KATNB1: variants seen among roughly 807,000 people sequenced by gnomAD.
The protein encoded by KATNB1 is katanin regulatory subunit B1, also known as katanin p80 WD40 repeat-containing subunit B1.
Under a neutral mutation model 82.3 loss-of-function variants are expected in KATNB1, and 38 were observed. The observed-to-expected ratio is 0.46, with a 90% CI of 0.36 to 0.61. The LOEUF is 0.61. Ranked by LOEUF, KATNB1 falls within the 20% of genes least tolerant of loss-of-function variation. The pLI is 0.00. For synonymous variants in KATNB1, 361 were observed against 368.7 expected (o/e 0.98, Z 0.24); for missense variants, 749 against 915.7 (o/e 0.82, Z 2.35).
At chr16:57,747,428 C>G (rs2049191638) in intron 4 of KATNB1, among the ~76,000 whole-genome samples, 1 of 152,224 alleles carries the variant, frequency 6.6e-6, no homozygotes, top group Non-Finnish European at 1.5e-5. Context: ...TCCCTTTGCT[C>G]AGGAACAGTG....
chr16:57,738,962 T>G (rs2049123692), intron 2 of KATNB1, among the ~76,000 whole-genome samples: 2 of 141,524 alleles, frequency 1.4e-5, no homozygotes, highest in African/African-American at 2.7e-5. Context: ...AGCTGGGGGG[T>G]AGGGGTAGGG....
At chr16:57,756,788 C>T (rs1555586888) in intron 19 of KATNB1, 26 bp from the exon 20 acceptor site, 1 of 1,515,924 alleles carries the variant, frequency 6.6e-7, no homozygotes, top group Non-Finnish European at 8.9e-7. Flanking sequence ...TGCCAGCTAG[C>T]CCCTCAGGCA....
intron 1 of KATNB1, chr16:57,736,134 G>A (rs2049097747): frequency 6.6e-6 from 1 of 152,492 alleles, no homozygotes; most frequent in Non-Finnish European, 1.5e-5. Context: ...ATAGGGAGAA[G>A]AGAAGTAGGA....
In KATNB1 at chr16:57,744,425, G is replaced by A; in HGVS notation, c.203G>A (p.Ser68Asn). The A allele has an allele frequency of 2.5e-6, 4 of 1,613,846 alleles. No individual in the cohort carries two copies. The highest frequency in any genetic ancestry group is 3.4e-6 in the Non-Finnish European group (4 of 1,180,020). ...ACGGGCCACACATCCCCAGTGGAGA[G>A]CGTCCGCCTCAACACCCCCGAGGAG... is the stretch of plus-strand genomic sequence containing the variant. ...SLTGHTSPVE[S>N]VRLNTPEELI... Residue 68 changes from serine (S) to asparagine (N), a missense_variant, in exon 4 of 20, where the codon AGC becomes AAC. Physicochemically the swap from Ser to Asn is conservative, Grantham distance 46. Transcript: ENST00000379661.
chr16:57,756,679 C>G, intron 19 of KATNB1, 135 bp from the exon 20 acceptor site: 1 of 1,384,636 alleles, frequency 7.2e-7, no homozygotes, highest in Non-Finnish European at 9.6e-7. Context: ...CCTGGCAGGG[C>G]CTGGGTGGTT....
intron 8 of KATNB1, 186 bp downstream of exon 8, chr16:57,752,241 C>G: frequency 1.6e-6 from 1 of 642,400 alleles, no homozygotes; most frequent in South Asian, 1.8e-5. Context: ...GGCTCTGGTT[C>G]CCTGGCCCCA....
chr16:57,755,465 C>T lies in KATNB1; in HGVS notation c.1537C>T (p.Arg513Trp), dbSNP rs782213832. ...CCGCCACAAGAACCTGGACACTGTGCGGGCTGTGTGGACCATGGGCGACAT... is the reference window on the plus strand; with the variant it reads ...CCGCCACAAGAACCTGGACACTGTGTGGGCTGTGTGGACCATGGGCGACAT... ...TSRHKNLDTV[R>W]AVWTMGDIKT... Residue 513 changes from arginine (R) to tryptophan (W), a missense_variant, in exon 16 of 20, where the codon CGG becomes TGG. Coordinates refer to ENST00000379661, the MANE Select transcript of KATNB1 (RefSeq NM_005886.3). The T allele has an allele frequency of 1.1e-5, 18 of 1,613,202 alleles. No homozygotes were observed. The highest frequency in any genetic ancestry group is 4.5e-5 in the East Asian group (2 of 44,894).
At chr16:57,743,014 C>T (rs533909000) in intron 3 of KATNB1, among the ~76,000 whole-genome samples, 2 of 152,208 alleles carry the variant, frequency 1.3e-5, no homozygotes, top group African/African-American at 4.8e-5. Context: ...AGGAATAGGC[C>T]GGGCACAGTG....
At position 57,754,789 on chromosome 16, in the gene KATNB1, C is replaced by G. The variant is rs578179141; in HGVS notation, c.1229-141C>G. 3.1e-5 allele frequency: 26 copies of G among 852,072 alleles called. No homozygotes were observed. In the South Asian group the frequency reaches 3.7e-4, roughly 12 times the overall value. 52.8% of individuals were successfully genotyped at this position (852,072 alleles called of 1,614,324 possible). ...GCCTGCCCCAGGTCCTCTGGAACCC[C>G]CACGCCACTGGCCTGCAGCCTCCCC... On this transcript the variant is annotated intron_variant, in intron 13 of 19. Transcript: ENST00000379661.
chr16:57,735,842 A>T lies in KATNB1; in HGVS notation c.-280A>T, dbSNP rs1319541688. 2 of 152,508 alleles carry T rather than the reference A, an allele frequency of 1.3e-5. No individual in the cohort carries two copies. Among genetic ancestry groups the T allele is most frequent in the African/African-American group, 4.8e-5 (2 of 41,424 alleles). The allele number at this position is 152,508 out of a possible 1,614,324, so 9.4% of individuals were successfully genotyped here. ...CCTGGAGCGGAGCCTCGGCCTCCGG[A>T]GCCGCAGCTGCAGGTGGAGTGGGCA... On this transcript the variant is annotated 5_prime_UTR_variant, in exon 1 of 20. Coordinates refer to ENST00000379661, the MANE Select transcript of KATNB1 (RefSeq NM_005886.3).
chr16:57,737,156 G>C lies in KATNB1; in HGVS notation c.-88G>C. 6.6e-7 allele frequency: 1 copy of C among 1,515,022 alleles called. No individual in the cohort carries two copies. The highest frequency in any genetic ancestry group is 9.1e-7 in the Non-Finnish European group (1 of 1,099,004). 93.8% of individuals were successfully genotyped at this position (1,515,022 alleles called of 1,614,324 possible). A position where few individuals can be genotyped will look rare whatever the true frequency, so the allele number is the denominator to read the frequency against. On this transcript the variant is annotated 5_prime_UTR_variant, in exon 2 of 20. Transcript: ENST00000379661. ...TGGGAACTCTCTGCCAACTTGATTG[G>C]TGGATCTGGGGGGGGATCCACCCCC...
In KATNB1 at chr16:57,737,053, C is replaced by G; in HGVS notation, c.-191C>G. 1 of 712,818 alleles carries G rather than the reference C, an allele frequency of 1.4e-6. No individual in the cohort carries two copies. Among genetic ancestry groups the G allele is most frequent in the Non-Finnish European group, 2.5e-6 (1 of 394,576 alleles). The allele number at this position is 712,818 out of a possible 1,614,324, so 44.2% of individuals were successfully genotyped here. ...CGTGACAGATGTGCACAGGCTGCTG[C>G]TGTTGCTGCTGTGGGTAATTTGGAA... On this transcript the variant is annotated 5_prime_UTR_variant, in exon 2 of 20. Coordinates refer to ENST00000379661, the MANE Select transcript of KATNB1 (RefSeq NM_005886.3).
intron 4 of KATNB1, among the ~76,000 whole-genome samples, chr16:57,746,951 A>G (rs2049188056): frequency 6.6e-6 from 1 of 152,064 alleles, no homozygotes; most frequent in Admixed American, 6.6e-5. Flanking sequence ...GTGTAATCTC[A>G]GCTCACTGCA....
At chr16:57,739,212 C>T (rs1169856509) in intron 2 of KATNB1, among the ~76,000 whole-genome samples, 4 of 152,178 alleles carry the variant, frequency 2.6e-5, no homozygotes, top group African/African-American at 4.8e-5. Context: ...TGAGATCAGG[C>T]GTATTGGGCA....
rs782651726 is a variant in KATNB1, at chr16:57,751,750, A to G, written c.516+26A>G. The G allele has an allele frequency of 1.4e-5, 22 of 1,603,538 alleles. 1 individual carries two copies. The South Asian group carries it at 2.3e-4, about 17-fold the overall frequency. ...GTAGCTCCCGGCCTGACCTGGGCCC[A>G]GGGGCTGGGGGCTGGGGTCTGCTGA... On this transcript the variant is annotated intron_variant, in intron 7 of 19. Transcript: ENST00000379661. This position sits in a 1 kb window ranked among gnomAD's most constrained non-coding sequence, Gnocchi z 6.3.
intron 3 of KATNB1, among the ~76,000 whole-genome samples, chr16:57,742,273 G>T (rs558372794): frequency 3.9e-4 from 60 of 152,362 alleles, no homozygotes; most frequent in African/African-American, 1.4e-3. Flanking sequence ...GACCTGGCTG[G>T]AGCTGGTTAG....
chr16:57,737,338 G>C, intron 2 of KATNB1, 55 bp downstream of exon 2: 1 of 1,600,828 alleles, frequency 6.2e-7, no homozygotes, highest in Non-Finnish European at 8.5e-7. Context: ...GCGGCTTGTT[G>C]CTGGGAGGCC....
intron 1 of KATNB1, among the ~76,000 whole-genome samples, chr16:57,736,435 C>G (rs751090581): frequency 1.3e-5 from 2 of 152,136 alleles, no homozygotes; most frequent in Admixed American, 6.5e-5. Flanking sequence ...TAGCCACTTA[C>G]GCCCAGACTG....
chr16:57,756,556 A>C (rs1298363623), intron 19 of KATNB1, 84 bp downstream of exon 19: 2 of 1,317,340 alleles, frequency 1.5e-6, no homozygotes, highest in African/African-American at 1.5e-5. Flanking sequence ...CCTCTTACTG[A>C]CAGTCCTGCT....
Sources: allele counts gnomAD v4.1 joint callset (sites outside exome capture counted in the v4.1 genomes callset), GRCh38; gene constraint gnomAD v4.1.1; non-coding constraint Gnocchi (gnomAD v3.1); transcripts MANE v1.5; gene names NCBI Gene and HGNC (gene_info 2026-07-23, HGNC 2026-07-21).